ERMP1: variants seen among roughly 807,000 people sequenced by gnomAD.
ERMP1 encodes endoplasmic reticulum metallopeptidase 1.
ERMP1 carries 86 observed loss-of-function variants against 92.0 expected under a neutral mutation model. The ratio of observed to expected loss-of-function variants is 0.93; its 90% CI spans 0.79 to 1.12. ERMP1 has a LOEUF of 1.12. Among genes scored for constraint, ERMP1 ranks in the 50% most tolerant of loss-of-function variants. The pLI is 0.00. For missense variants in ERMP1, 1,342 were observed against 1,116.3 expected (o/e 1.20, Z -2.88); for synonymous variants, 530 against 412.8 (o/e 1.28, Z -3.44).
At chr9:5,811,480 T>C (rs1363634190) in intron 6 of ERMP1, among the ~76,000 whole-genome samples, 157 bp from the exon 7 acceptor site, 1 of 152,222 alleles carries the variant, frequency 6.6e-6, no homozygotes, top group Non-Finnish European at 1.5e-5. Context: ...CAGAAATCGC[T>C]TTCTACCATC....
At chr9:5,843,492 C>T (rs1830192210) in intron 6 of ERMP1, among the ~76,000 whole-genome samples, 1 of 152,150 alleles carries the variant, frequency 6.6e-6, no homozygotes, top group African/African-American at 2.4e-5. Context: ...AAATATTTCC[C>T]TGAGTGGGGA....
At chr9:5,838,540 A>G (rs113385559) in intron 6 of ERMP1, among the ~76,000 whole-genome samples, 9 of 151,954 alleles carry the variant, frequency 5.9e-5, no homozygotes, top group South Asian at 2.1e-4. Flanking sequence ...CAAAAAAAAA[A>G]AAGAAGAAGA....
At chr9:5,813,813 G>A (rs1238581298) in intron 4 of ERMP1, among the ~76,000 whole-genome samples, 1 of 149,752 alleles carries the variant, frequency 6.7e-6, no homozygotes, top group Non-Finnish European at 1.5e-5. Flanking sequence ...TTTTTCAAAT[G>A]GGAGTTTTTC....
chr9:5,840,734 G>A (rs529567890), intron 6 of ERMP1, among the ~76,000 whole-genome samples: 24 of 152,360 alleles, frequency 1.6e-4, no homozygotes, highest in Admixed American at 1.3e-3. Context: ...GAGAAGTGGG[G>A]TTAATAGGGT....
At chr9:5,837,690 A>G (rs1231235068), upstream of ERMP1, among the ~76,000 whole-genome samples, 1 of 152,168 alleles carries the variant, frequency 6.6e-6, no homozygotes, top group Non-Finnish European at 1.5e-5. Context: ...GTGTATATGC[A>G]TGCGTGCACA....
At chr9:5,816,022 T>C (rs1829292156) in intron 4 of ERMP1, among the ~76,000 whole-genome samples, 1 of 152,118 alleles carries the variant, frequency 6.6e-6, no homozygotes, top group South Asian at 2.1e-4. Context: ...CTATCATTAA[T>C]TATCTTAAAA....
chr9:5,862,064 C>T (rs1830513575), intron 5 of ERMP1, among the ~76,000 whole-genome samples: 1 of 152,078 alleles, frequency 6.6e-6, no homozygotes, highest in Non-Finnish European at 1.5e-5. Flanking sequence ...GGGTCTCCTT[C>T]TGTCACCCCA....
intron 13 of ERMP1, among the ~76,000 whole-genome samples, chr9:5,791,904 A>G (rs1436290940): frequency 6.6e-6 from 1 of 152,222 alleles, no homozygotes; most frequent in Non-Finnish European, 1.5e-5. Flanking sequence ...CATAATCGTG[A>G]TACAAGATGG....
At chr9:5,834,456 T>C (rs989129371), upstream of ERMP1, among the ~76,000 whole-genome samples, 1 of 152,242 alleles carries the variant, frequency 6.6e-6, no homozygotes, top group Non-Finnish European at 1.5e-5. Flanking sequence ...CACCATTTTA[T>C]TCCTTGCTCT....
chr9:5,814,672 C>A (rs1041571067), intron 4 of ERMP1, among the ~76,000 whole-genome samples: 2 of 152,052 alleles, frequency 1.3e-5, no homozygotes, highest in Non-Finnish European at 2.9e-5. Flanking sequence ...GAAGGCTGCA[C>A]TGAGCCAAGA....
At chr9:5,819,297 TC>T (rs1244841265) in intron 4 of ERMP1, among the ~76,000 whole-genome samples, 15 of 151,892 alleles carry the variant, frequency 9.9e-5, no homozygotes, top group African/African-American at 3.1e-4. Context: ...GCTGTCAGAA[TC>T]AAAACAGACT....
intron 2 of ERMP1, among the ~76,000 whole-genome samples, chr9:5,830,399 T>G (rs1829893747): frequency 6.6e-6 from 1 of 152,168 alleles, no homozygotes; most frequent in African/African-American, 2.4e-5. Context: ...ACTTTCTAAG[T>G]GTCAGAACCT....
intron 6 of ERMP1, among the ~76,000 whole-genome samples, chr9:5,847,248 G>GTT (rs1348945404): frequency 6.6e-6 from 1 of 152,050 alleles, no homozygotes; most frequent in Non-Finnish European, 1.5e-5. Context: ...ATCACTGATT[G>GTT]TGATGCTCGA....
chr9:5,858,265 G>GT (rs1045534467), intron 6 of ERMP1, among the ~76,000 whole-genome samples: 7 of 152,168 alleles, frequency 4.6e-5, no homozygotes, highest in Non-Finnish European at 8.8e-5. Context: ...ATGAAGGCAA[G>GT]TATTTGCAAA....
Position 5,825,184 on chromosome 9 carries a change from G to C in ERMP1, c.676C>G (p.Leu226Val), listed in dbSNP as rs1346715604. 2.5e-6 allele frequency: 4 copies of C among 1,613,752 alleles called. No homozygotes were observed. The highest frequency in any genetic ancestry group is 3.4e-6 in the Non-Finnish European group (4 of 1,179,916). ...SDDAVSCSVM[L>V]EVLRVLSTSS... ...GTTGACAAGACGCGAAGGACTTCCAGCATCACTGAGCAGCTAACTGCATCA... is the reference window on the plus strand; with the variant it reads ...GTTGACAAGACGCGAAGGACTTCCACCATCACTGAGCAGCTAACTGCATCA... The change falls in exon 3 of 15, where the codon CTG becomes GTG. Residue 226 changes from leucine (L) to valine (V), a missense_variant. Coordinates refer to ENST00000339450, the MANE Select transcript of ERMP1 (RefSeq NM_024896.3).
chr9:5,846,332 G>A (rs1210701677), intron 6 of ERMP1, among the ~76,000 whole-genome samples: 1 of 152,104 alleles, frequency 6.6e-6, no homozygotes, highest in Non-Finnish European at 1.5e-5. Context: ...CCACAGATCT[G>A]GGCTCAAATC....
chr9:5,811,432 T>C (rs1829090550), intron 6 of ERMP1, 109 bp from the exon 7 acceptor site: 2 of 782,250 alleles, frequency 2.6e-6, no homozygotes, highest in Non-Finnish European at 4.0e-6. Context: ...ATAAACCATA[T>C]ACTGTTTGAA....
rs371506816 is a variant in ERMP1 at position 5,813,072 on chromosome 9, C to T, written c.875-37G>A. The T allele has an allele frequency of 1.2e-4, 189 of 1,587,514 alleles. 3 individuals carry two copies. The highest frequency in any genetic ancestry group is 3.0e-4 in the Admixed American group (17 of 56,350). On this transcript the variant is annotated intron_variant, in intron 4 of 14. Transcript: ENST00000339450. ...GATGACAACACAATAGAAGGTATTC[C>T]GGCAATTTTTTTTAACATACTAATG...
chr9:5,801,992 CTG>C (rs1360673730), intron 10 of ERMP1, among the ~76,000 whole-genome samples: 3 of 152,188 alleles, frequency 2.0e-5, no homozygotes, highest in African/African-American at 7.2e-5. Context: ...GAACTAAAAA[CTG>C]TAAAGGACAC....
Sources: gnomAD v4.1 joint callset for allele counts (sites outside exome capture counted in the v4.1 genomes callset) on GRCh38, gnomAD v4.1.1 for gene constraint, MANE v1.5 for transcripts, NCBI Gene and HGNC (gene_info 2026-07-23, HGNC 2026-07-21) for gene names.